Variants in LRRFIP1 observed in about 807,000 individuals in gnomAD.
LRRFIP1 encodes the protein leucine-rich repeat flightless-interacting protein 1.
LRRFIP1 carries 62 observed loss-of-function variants against 104.4 expected under a neutral mutation model. The observed-to-expected ratio is 0.59, with a 90% confidence interval of 0.48 to 0.73. The LOEUF (loss-of-function observed/expected upper bound fraction) is 0.73. Among genes scored for constraint, LRRFIP1 ranks in the 30% least tolerant of loss-of-function variants. The pLI is 0.00. For missense variants in LRRFIP1, 796 were observed against 824.5 expected, an observed-to-expected ratio of 0.97 and a Z score of 0.42; for synonymous variants, 300 against 299.0, an observed-to-expected ratio of 1.00 and a Z score of -0.03.
chr2:237,710,777 C>T (rs1441683707), intron 2 of LRRFIP1, among the ~76,000 whole-genome samples: 1 of 152,208 alleles, frequency 6.6e-6, no homozygotes, highest in African/African-American at 2.4e-5. Context: ...AAAAGCAAAG[C>T]ATCCCTTTAT....
At chr2:237,674,258 G>C (rs565656734) in intron 1 of LRRFIP1, among the ~76,000 whole-genome samples, 2 of 152,324 alleles carry the variant, frequency 1.3e-5, no homozygotes, top group South Asian at 4.1e-4. Context: ...AAAGTGGGTG[G>C]TGGGGTATTA....
At chr2:237,692,853 AG>A (rs2092911696) in intron 1 of LRRFIP1, among the ~76,000 whole-genome samples, 1 of 152,222 alleles carries the variant, frequency 6.6e-6, no homozygotes, top group South Asian at 2.1e-4. Context: ...GGGAGCTGCT[AG>A]TTTGCTATTT....
intron 22 of LRRFIP1, 82 bp from the exon 23 acceptor site, chr2:237,774,276 C>A: frequency 1.3e-6 from 1 of 794,408 alleles, no homozygotes; most frequent in Non-Finnish European, 2.1e-6. Context: ...TTAAATCACA[C>A]TCTTTGATCT....
intron 23 of LRRFIP1, among the ~76,000 whole-genome samples, chr2:237,776,676 T>G (rs2061122373): frequency 6.6e-6 from 1 of 152,240 alleles, no homozygotes. Flanking sequence ...TGGTCCCTGC[T>G]GCTGTTGACC....
intron 11 of LRRFIP1, among the ~76,000 whole-genome samples, chr2:237,748,094 C>T (rs373097431): frequency 6.6e-6 from 1 of 152,190 alleles, no homozygotes. Flanking sequence ...TTCCACAGCC[C>T]GCTGTGGGTC....
At chr2:237,743,964 A>G (rs1684495406) in intron 11 of LRRFIP1, among the ~76,000 whole-genome samples, 1 of 152,192 alleles carries the variant, frequency 6.6e-6, no homozygotes, top group African/African-American at 2.4e-5. Flanking sequence ...GCCTGGGTCC[A>G]TATCTTCCCT....
At chr2:237,765,308 C>A in intron 19 of LRRFIP1, 2 of 201,198 alleles carry the variant, frequency 9.9e-6, no homozygotes, top group Non-Finnish European at 1.7e-5. Flanking sequence ...AATGTTTTCA[C>A]GCCTGTAAAC....
At chr2:237,653,002 A>T (rs1299368336) in intron 1 of LRRFIP1, among the ~76,000 whole-genome samples, 2 of 152,150 alleles carry the variant, frequency 1.3e-5, no homozygotes, top group Non-Finnish European at 1.5e-5. Context: ...GTTGTTTAAA[A>T]GTGTGTAGCA....
chr2:237,725,771 G>A (rs112154624), intron 7 of LRRFIP1, among the ~76,000 whole-genome samples: 27 of 152,344 alleles, frequency 1.8e-4, no homozygotes, highest in African/African-American at 4.6e-4. Context: ...GGTGACAAAT[G>A]AGAGGATACT....
intron 1 of LRRFIP1, among the ~76,000 whole-genome samples, chr2:237,701,675 A>C (rs1453554904): frequency 6.6e-6 from 1 of 151,090 alleles, no homozygotes; most frequent in African/African-American, 2.5e-5. Context: ...CCCTGGAAGA[A>C]CAGGCATGGG....
chr2:237,747,085 TG>T (rs2057975017), intron 11 of LRRFIP1, among the ~76,000 whole-genome samples: 1 of 152,202 alleles, frequency 6.6e-6, no homozygotes, highest in Admixed American at 6.5e-5. Context: ...CTGATGGCTT[TG>T]GGAGCCAGGC....
chr2:237,717,533 TG>T lies in LRRFIP1; in HGVS notation c.202-225del, dbSNP rs142526565. ...CCTGGGCTCTCTTGCTTTGCCGGGA[TG>T]GGGTGGGCTGGGAGGATCTCTCTTC... On this transcript the variant is annotated intron_variant, in intron 3 of 23. Transcript: ENST00000308482. The surrounding 1 kb of genome is among the most constrained non-coding windows in gnomAD (Gnocchi z 4.2). 1.7e-3 allele frequency among the ~76,000 whole-genome samples: 257 copies of T among 152,184 alleles called. No homozygotes were observed. The highest frequency in any genetic ancestry group is 5.6e-3 in the African/African-American group (231 of 41,536).
chr2:237,725,506 A>G (rs2094708243), intron 7 of LRRFIP1, among the ~76,000 whole-genome samples: 1 of 152,034 alleles, frequency 6.6e-6, no homozygotes, highest in African/African-American at 2.4e-5. Context: ...ACCCATCTAA[A>G]TACAACACAA....
chr2:237,733,916 C>G, intron 9 of LRRFIP1, 98 bp downstream of exon 9: 1 of 1,317,178 alleles, frequency 7.6e-7, no homozygotes, highest in Non-Finnish European at 1.1e-6. Context: ...GTTCCCAGCC[C>G]CCTGGGGGAA....
chr2:237,761,948 C>T (rs1474594613), intron 19 of LRRFIP1, among the ~76,000 whole-genome samples: 3 of 152,192 alleles, frequency 2.0e-5, no homozygotes, highest in African/African-American at 7.2e-5. Flanking sequence ...TTGCCTCCTG[C>T]TGGTCCTCTC....
intron 1 of LRRFIP1, among the ~76,000 whole-genome samples, chr2:237,688,254 G>C (rs1480558158): frequency 1.3e-5 from 2 of 152,182 alleles, no homozygotes; most frequent in African/African-American, 2.4e-5. Context: ...CGGGAGGTCA[G>C]TTCTGTGTGT....
intron 7 of LRRFIP1, among the ~76,000 whole-genome samples, chr2:237,725,414 G>GCTGC (rs1221111580): frequency 6.6e-6 from 1 of 152,190 alleles, no homozygotes; most frequent in Non-Finnish European, 1.5e-5. Context: ...AAGTTAATAT[G>GCTGC]CTGCCTATGG....
At position 237,627,736 on chromosome 2, in the gene LRRFIP1, G is replaced by T. The variant is rs1162946907; in HGVS notation, c.92G>T (p.Arg31Leu). The T allele has an allele frequency of 6.9e-6, 9 of 1,301,846 alleles. 1 individual carries two copies. The East Asian group carries it at 1.0e-4, about 15-fold the overall frequency. 80.6% of individuals were successfully genotyped at this position (1,301,846 alleles called of 1,614,324 possible). Residue 31 changes from arginine to leucine, a missense_variant, in exon 1 of 24, where the codon CGG becomes CTG. Arg to Leu is a moderately radical substitution (Grantham distance 102). Transcript: ENST00000308482. The stretch of plus-strand genomic sequence containing the variant: ...GACGACGCGCTCAACCAGATCGCGC[G>T]GGAGGTGAGCGCTCCGGGAGGGCAG... ...AEDDALNQIAREAEARLAAKR... is the reference protein window; with the variant it reads ...AEDDALNQIALEAEARLAAKR...
intron 1 of LRRFIP1, among the ~76,000 whole-genome samples, chr2:237,668,706 A>G (rs940630372): frequency 5.9e-5 from 9 of 151,966 alleles, no homozygotes; most frequent in African/African-American, 1.9e-4. Flanking sequence ...TTATCCTCAC[A>G]GCATTTTTCC....
Sources: allele counts gnomAD v4.1 joint callset (sites outside exome capture counted in the v4.1 genomes callset), GRCh38; gene constraint gnomAD v4.1.1; non-coding constraint Gnocchi (gnomAD v3.1); transcripts MANE v1.5; gene names NCBI Gene and HGNC (gene_info 2026-07-23, HGNC 2026-07-21).